POLR2F: variants seen among roughly 807,000 people sequenced by gnomAD.
The protein encoded by POLR2F is RNA polymerase II, I and III subunit F, also known as DNA-directed RNA polymerases I, II, and III subunit RPABC2.
Under a neutral mutation model 22.7 loss-of-function variants are expected in POLR2F, and 12 were observed. The observed-to-expected ratio is 0.53, with a 90% CI of 0.34 to 0.86. The LOEUF is 0.86. POLR2F is among the 40% of genes least tolerant of loss of function. The pLI is 0.02. For synonymous variants in POLR2F, 57 were observed against 66.0 expected (o/e 0.86, Z 0.66); for missense variants, 126 against 171.5 (o/e 0.73, Z 1.48).
At chr22:38,006,070 T>A (rs1009251742) in intron 1 of POLR2F, among the ~76,000 whole-genome samples, 1 of 151,972 alleles carries the variant, frequency 6.6e-6, no homozygotes, top group Non-Finnish European at 1.5e-5. Flanking sequence ...TGAAAAAAAA[T>A]ATTAGCCAAG....
At chr22:37,955,639 A>T (rs562446020) in intron 1 of POLR2F, among the ~76,000 whole-genome samples, 30 of 152,116 alleles carry the variant, frequency 2.0e-4, no homozygotes, top group African/African-American at 7.0e-4. Flanking sequence ...GAAAAATTGA[A>T]GGGGTAAAAT....
intron 2 of POLR2F, 173 bp downstream of exon 2, chr22:37,957,015 G>T: frequency 1.6e-6 from 1 of 636,282 alleles, no homozygotes; most frequent in Non-Finnish European, 2.9e-6. Context: ...AGCCCTGCAG[G>T]GTGGGCCTGA....
At chr22:37,954,045 C>A (rs1931247252) in intron 1 of POLR2F, among the ~76,000 whole-genome samples, 1 of 152,306 alleles carries the variant, frequency 6.6e-6, no homozygotes, top group African/African-American at 2.4e-5. Flanking sequence ...AGGTGTCCTT[C>A]AGCAAATGTT....
chr22:37,983,497 G>T (rs756889534), upstream of POLR2F: 18 of 1,610,876 alleles, frequency 1.1e-5, no homozygotes, highest in East Asian at 2.2e-5. The surrounding 1 kb of genome is among the most constrained non-coding windows in gnomAD (Gnocchi z 9.5). Context: ...TTTTGCTGGC[G>T]CCGTTGACGC....
Position 37,978,409 on chromosome 22 carries a change from TGAG to T in POLR2F, c.293+11246_293+11248del, listed in dbSNP as rs1932291547. Among the ~76,000 whole-genome samples, 1 of 152,204 alleles carries T rather than the reference TGAG, an allele frequency of 6.6e-6. No individual in the cohort carries two copies. Among genetic ancestry groups the T allele is most frequent in the Non-Finnish European group, 1.5e-5 (1 of 68,032 alleles). ...TCAGCCCGCTGCTCCTGGCAGCCCC[TGAG>T]GAGGAGTTAGAAGTAGGAGTAGAGG... On this transcript the variant is annotated intron_variant, in intron 4 of 4. Transcript: ENST00000405557. The surrounding 1 kb of genome is among the most constrained non-coding windows in gnomAD (Gnocchi z 5.0).
chr22:37,986,032 T>G, upstream of POLR2F: 40 of 880,058 alleles, frequency 4.5e-5, no homozygotes, highest in East Asian at 2.8e-4. This position sits in a 1 kb window ranked among gnomAD's most constrained non-coding sequence, Gnocchi z 4.7. Context: ...CCCGCCTCCC[T>G]TCTCTTCCCT....
At chr22:38,029,021 G>T (rs981728542), downstream of POLR2F, among the ~76,000 whole-genome samples, 6 of 152,160 alleles carry the variant, frequency 3.9e-5, no homozygotes, top group African/African-American at 1.4e-4. Context: ...TTTCAGAGGA[G>T]TCCACAGTCT....
downstream of POLR2F, chr22:37,973,661 T>C: frequency 6.2e-7 from 1 of 1,613,530 alleles, no homozygotes. Context: ...CGAGTGGCCA[T>C]AATAGGGTCC....
Position 37,968,778 on chromosome 22 carries a change from CCT to C in POLR2F, c.*1066_*1067del. 1.0e-6 allele frequency: 1 copy of C among 985,524 alleles called. No homozygotes were observed. The highest frequency in any genetic ancestry group is 1.2e-6 in the Non-Finnish European group (1 of 829,970). 61.0% of individuals were successfully genotyped at this position (985,524 alleles called of 1,614,324 possible). On this transcript the variant is annotated 3_prime_UTR_variant, in exon 5 of 5. Coordinates refer to ENST00000442738, the MANE Select transcript of POLR2F (RefSeq NM_021974.5). The stretch of plus-strand genomic sequence containing the variant: ...AAGAGGAGGAGCTGGGCTTCCCTAA[CCT>C]CTGCAGGAGGCAGGGCCTCCAGGCC...
At chr22:37,984,100 CT>C, upstream of POLR2F, 2 of 222,892 alleles carry the variant, frequency 9.0e-6, no homozygotes, top group Non-Finnish European at 1.8e-5. This position sits in a 1 kb window ranked among gnomAD's most constrained non-coding sequence, Gnocchi z 4.4. Flanking sequence ...TTTTAGCCTC[CT>C]TTTTTGGGTG....
chr22:38,038,290 G>A (rs935050289), intron 5 of POLR2F, among the ~76,000 whole-genome samples: 10 of 152,316 alleles, frequency 6.6e-5, no homozygotes, highest in Non-Finnish European at 1.5e-4. Context: ...GAAGCCAGAG[G>A]ATGTGAGGAT....
rs764790682 is a variant in POLR2F, at chr22:37,986,624, C to G, written c.120+312C>G. On this transcript the variant is annotated intron_variant, in intron 1 of 2. Coordinates refer to the POLR2F transcript ENST00000333418. This position sits in a 1 kb window ranked among gnomAD's most constrained non-coding sequence, Gnocchi z 4.7. ...CCACTCCCTCTCTCTCTCCCTTGTC[C>G]CCGCACAGACACTGCCTTCCTCTCA... 3.0e-6 allele frequency: 2 copies of G among 660,904 alleles called. No individual in the cohort carries two copies. Among genetic ancestry groups the G allele is most frequent in the Non-Finnish European group, 5.5e-6 (2 of 360,762 alleles). 40.9% of individuals were successfully genotyped at this position (660,904 alleles called of 1,614,324 possible). A position where few individuals can be genotyped will look rare whatever the true frequency, so the allele number is the denominator to read the frequency against.
chr22:37,961,589 T>C (rs1055361684), intron 3 of POLR2F, among the ~76,000 whole-genome samples: 3 of 152,084 alleles, frequency 2.0e-5, no homozygotes, highest in African/African-American at 7.2e-5. Context: ...GTGTTAGCCA[T>C]AGGCAGTGCA....
Position 37,974,347 on chromosome 22 carries a change from GT to G in POLR2F, c.293+7186del, listed in dbSNP as rs916489152. ...TTCACATTTTGGCAGCATGAGTCGGGTTTTTTTTTGTTTTTTTTTTTTGAGA... is the reference window on the plus strand; with the variant it reads ...TTCACATTTTGGCAGCATGAGTCGGGTTTTTTTTGTTTTTTTTTTTTGAGA... On this transcript the variant is annotated intron_variant, in intron 4 of 4. Coordinates refer to the POLR2F transcript ENST00000405557. The surrounding 1 kb of genome is among the most constrained non-coding windows in gnomAD (Gnocchi z 5.4). 3.3e-5 allele frequency: 19 copies of G among 584,228 alleles called. No individual in the cohort carries two copies. The highest frequency in any genetic ancestry group is 5.9e-5 in the African/African-American group (3 of 50,462). The allele number at this position is 584,228 out of a possible 1,614,324, so 36.2% of individuals were successfully genotyped here. A position where few individuals can be genotyped will look rare whatever the true frequency, so the allele number is the denominator to read the frequency against.
exon 3 of POLR2F, chr22:38,026,457 T>A: frequency 2.5e-6 from 1 of 400,798 alleles, no homozygotes; most frequent in South Asian, 1.8e-5. Context: ...CTGGTCTTCA[T>A]GATCCCAGGG....
chr22:37,990,284 C>T (rs560930187), intron 1 of POLR2F, among the ~76,000 whole-genome samples: 19 of 152,346 alleles, frequency 1.2e-4, no homozygotes, highest in African/African-American at 3.8e-4. Context: ...CAGAGGGTCT[C>T]GGACCCAGGC....
chr22:37,954,208 T>C (rs926935770), intron 1 of POLR2F, among the ~76,000 whole-genome samples: 2 of 151,824 alleles, frequency 1.3e-5, no homozygotes, highest in Admixed American at 1.3e-4. Flanking sequence ...GCTTCCCCAG[T>C]TCTAGACGTA....
At chr22:38,020,206 TACACACAC>T (rs112285508) in intron 1 of POLR2F, among the ~76,000 whole-genome samples, 11 of 144,710 alleles carry the variant, frequency 7.6e-5, no homozygotes, top group East Asian at 2.0e-4. Flanking sequence ...CACACATATA[TACACACAC>T]ACACACACAC....
intron 1 of POLR2F, among the ~76,000 whole-genome samples, chr22:37,999,487 G>T (rs2084749267): frequency 6.6e-6 from 1 of 152,080 alleles, no homozygotes; most frequent in Non-Finnish European, 1.5e-5. Flanking sequence ...CCTTGGCGAG[G>T]CTCCAGGAGG....
Sources: allele counts gnomAD v4.1 joint callset (sites outside exome capture counted in the v4.1 genomes callset), GRCh38; gene constraint gnomAD v4.1.1; non-coding constraint Gnocchi (gnomAD v3.1); transcripts MANE v1.5; gene names NCBI Gene and HGNC (gene_info 2026-07-23, HGNC 2026-07-21).